The following NXPH2 variants were observed in gnomAD, a reference collection of about 807,000 sequenced individuals.
NXPH2 encodes the protein neurexophilin-2.
In NXPH2, 5 loss-of-function variants were observed where a neutral mutation model predicts 19.8. The observed-to-expected ratio is 0.25, with a 90% CI of 0.13 to 0.53. The LOEUF is 0.53. Ranked by LOEUF, NXPH2 falls within the 20% of genes least tolerant of loss-of-function variation. The probability of loss-of-function intolerance (pLI) is 0.96; values close to 1 mark genes in which losing one functional copy is unlikely to be tolerated. For missense variants in NXPH2, 289 were observed against 322.8 expected (o/e 0.90, Z 0.80); for synonymous variants, 154 against 127.4 (o/e 1.21, Z -1.41).
At chr2:138,751,773 T>G (rs1032881445) in intron 1 of NXPH2, among the ~76,000 whole-genome samples, 1 of 152,142 alleles carries the variant, frequency 6.6e-6, no homozygotes. Context: ...ATAATTCTGT[T>G]TAGATTTTTT....
At chr2:138,685,723 C>G (rs1680639651) in intron 1 of NXPH2, among the ~76,000 whole-genome samples, 1 of 152,106 alleles carries the variant, frequency 6.6e-6, no homozygotes, top group African/African-American at 2.4e-5. Context: ...CATAACACTA[C>G]AAAGTTGAAA....
chr2:138,686,014 A>C (rs551404534), intron 1 of NXPH2, among the ~76,000 whole-genome samples: 9 of 152,168 alleles, frequency 5.9e-5, no homozygotes, highest in Non-Finnish European at 1.0e-4. Flanking sequence ...ATAAGTACCT[A>C]ACAAAAATTG....
At position 138,731,655 on chromosome 2, in the gene NXPH2, TG is replaced by T. The variant is rs1681453123; in HGVS notation, c.51+48535del. On this transcript the variant is annotated intron_variant, in intron 1 of 1. Coordinates refer to ENST00000272641, the MANE Select transcript of NXPH2 (RefSeq NM_007226.3). ...CTCAAGATGATCAATTTTAACAAACTGGGATAGATCTTCTAAAGACTGGGGA... is the reference window on the plus strand; with the variant it reads ...CTCAAGATGATCAATTTTAACAAACTGGATAGATCTTCTAAAGACTGGGGA... Among the ~76,000 whole-genome samples, 4 of 152,082 alleles carry T rather than the reference TG, an allele frequency of 2.6e-5. No homozygotes were observed. The South Asian group carries it at 8.3e-4, about 32-fold the overall frequency.
intron 1 of NXPH2, among the ~76,000 whole-genome samples, chr2:138,673,108 A>G (rs1020521551): frequency 2.6e-5 from 4 of 152,154 alleles, no homozygotes; most frequent in African/African-American, 9.7e-5. Flanking sequence ...CTCTTTGGTT[A>G]ATTTCTTGGA....
At position 138,671,591 on chromosome 2, in the gene NXPH2, C is replaced by T. The variant is rs1161653024; in HGVS notation, c.126G>A (p.Thr42=). 5 of 1,612,542 alleles carry T rather than the reference C, an allele frequency of 3.1e-6. No homozygotes were observed. The highest frequency in any genetic ancestry group is 2.2e-5 in the East Asian group (1 of 44,862). Residue 42 remains threonine (T), a synonymous_variant, in exon 2 of 2, where the codon ACG becomes ACA. Coordinates refer to ENST00000272641, the MANE Select transcript of NXPH2 (RefSeq NM_007226.3). ...TTGAGTGCACCACGTTGCCGACCAACGTCCCTGGAGCATCTTTGTCTTCCC... is the reference window on the plus strand; with the variant it reads ...TTGAGTGCACCACGTTGCCGACCAATGTCCCTGGAGCATCTTTGTCTTCCC... ...LDWEDKDAPG[T]LVGNVVHSRI...
rs183399001 is a variant in NXPH2, at chr2:138,719,351, G to A, written c.52-47686C>T. ...TAAGTAAATGCACTTAAAAATATCC[G>A]AAAGGAGAAGCTACAGGTTGAGGGT... On this transcript the variant is annotated intron_variant, in intron 1 of 1. Transcript: ENST00000272641. 3.4e-4 allele frequency among the ~76,000 whole-genome samples: 51 copies of A among 152,152 alleles called. No homozygotes were observed. The East Asian group carries it at 7.9e-3, about 24-fold the overall frequency.
intron 1 of NXPH2, among the ~76,000 whole-genome samples, chr2:138,679,431 CGCTCGGTT>C (rs1241010805): frequency 2.0e-5 from 3 of 146,446 alleles, no homozygotes; most frequent in Admixed American, 6.9e-5. Flanking sequence ...GACGGAGTCT[CGCTCGGTT>C]GCTCAGGCTG....
At chr2:138,715,395 T>C (rs1237355850) in intron 1 of NXPH2, among the ~76,000 whole-genome samples, 2 of 152,242 alleles carry the variant, frequency 1.3e-5, no homozygotes, top group Non-Finnish European at 2.9e-5. Context: ...TTCCTCTAGA[T>C]TTAATTTGTC....
rs905024530 is a variant in NXPH2, at chr2:138,670,006, G to A, written c.*916C>T. On this transcript the variant is annotated 3_prime_UTR_variant, in exon 2 of 2. Transcript: ENST00000272641. ...TTTCCTCCCTCTACTTCCCACTTTTGTTTTCTATTCTAGTCTAGGAAACAA... is the reference window on the plus strand; with the variant it reads ...TTTCCTCCCTCTACTTCCCACTTTTATTTTCTATTCTAGTCTAGGAAACAA... Among the ~76,000 whole-genome samples, 1 of 152,100 alleles carries A rather than the reference G, an allele frequency of 6.6e-6. No homozygotes were observed. Among genetic ancestry groups the A allele is most frequent in the Non-Finnish European group, 1.5e-5 (1 of 68,012 alleles).
At chr2:138,704,006 T>C (rs978170889) in intron 1 of NXPH2, among the ~76,000 whole-genome samples, 1 of 152,222 alleles carries the variant, frequency 6.6e-6, no homozygotes, top group African/African-American at 2.4e-5. Context: ...AATTACATTG[T>C]AATGATTTGA....
intron 1 of NXPH2, among the ~76,000 whole-genome samples, chr2:138,768,751 G>T (rs1482045173): frequency 1.3e-5 from 2 of 152,182 alleles, no homozygotes; most frequent in East Asian, 3.8e-4. Flanking sequence ...CAGATGGAAA[G>T]GAAACTGTCA....
At chr2:138,695,941 G>C (rs2104978984) in intron 1 of NXPH2, among the ~76,000 whole-genome samples, 1 of 152,246 alleles carries the variant, frequency 6.6e-6, no homozygotes, top group Admixed American at 6.5e-5. Context: ...TTGAGGACTG[G>C]AGTTCAAGGC....
At position 138,764,080 on chromosome 2, in the gene NXPH2, G is replaced by A. The variant is rs963776176; in HGVS notation, c.51+16111C>T. Among the ~76,000 whole-genome samples the A allele has an allele frequency of 5.3e-5, 8 of 152,108 alleles. 1 individual carries two copies. ...ACAACTACAATACCATGAGATAAATGCTACAGAGGAGTTATGCACTTAGTG... is the reference window on the plus strand; with the variant it reads ...ACAACTACAATACCATGAGATAAATACTACAGAGGAGTTATGCACTTAGTG... On this transcript the variant is annotated intron_variant, in intron 1 of 1. Coordinates refer to ENST00000272641, the MANE Select transcript of NXPH2 (RefSeq NM_007226.3).
At chr2:138,671,814 T>A in intron 1 of NXPH2, 149 bp from the exon 2 acceptor site, 1 of 734,102 alleles carries the variant, frequency 1.4e-6, no homozygotes, top group Non-Finnish European at 2.1e-6. Flanking sequence ...CTCAACAGTG[T>A]AACAAGATAA....
rs568073263 is a variant in NXPH2 at position 138,743,239 on chromosome 2, C to T, written c.51+36952G>A. The stretch of plus-strand genomic sequence containing the variant: ...GTTATCTCTGGAAGTCACAGTCACC[C>T]GGGTGGGATCCACCTTAGTAAAAAA... On this transcript the variant is annotated intron_variant, in intron 1 of 1. Coordinates refer to ENST00000272641, the MANE Select transcript of NXPH2 (RefSeq NM_007226.3). Among the ~76,000 whole-genome samples, 110 of 148,238 alleles carry T rather than the reference C, an allele frequency of 7.4e-4. 1 individual carries two copies. The highest frequency in any genetic ancestry group is 8.7e-4 in the South Asian group (4 of 4,584).
At chr2:138,749,645 A>G (rs1413533375) in intron 1 of NXPH2, among the ~76,000 whole-genome samples, 1 of 152,208 alleles carries the variant, frequency 6.6e-6, no homozygotes, top group Non-Finnish European at 1.5e-5. Context: ...TAAAATAAAG[A>G]TATTCAAGGT....
At chr2:138,676,784 T>G (rs1573949857) in intron 1 of NXPH2, among the ~76,000 whole-genome samples, 1 of 150,928 alleles carries the variant, frequency 6.6e-6, no homozygotes, top group African/African-American at 2.5e-5. Context: ...TCCAGGAAAC[T>G]GATTAATGGT....
Position 138,780,217 on chromosome 2 carries a change from C to T in NXPH2, c.25G>A (p.Val9Met), listed in dbSNP as rs988440643. Residue 9 changes from valine (V) to methionine (M), a missense_variant, in exon 1 of 2, where the codon GTG becomes ATG. Physicochemically the swap from Val to Met is conservative, Grantham distance 21. Transcript: ENST00000272641. MRLRPLPL[V>M]VVPGLLQLLF... is the part of the protein sequence containing the mutation. ...AGCTGCAGCAAGCCAGGGACCACCA[C>T]GAGGGGCAGCGGCCGCAGGCGCATG... The T allele has an allele frequency of 2.7e-6, 4 of 1,469,726 alleles. No individual in the cohort carries two copies. Among genetic ancestry groups the T allele is most frequent in the Non-Finnish European group, 3.6e-6 (4 of 1,119,120 alleles). The allele number at this position is 1,469,726 out of a possible 1,614,324, so 91.0% of individuals were successfully genotyped here.
chr2:138,718,438 A>G (rs1407386933), intron 1 of NXPH2, among the ~76,000 whole-genome samples: 12 of 152,152 alleles, frequency 7.9e-5, no homozygotes, highest in Non-Finnish European at 1.8e-4. Context: ...AATGACTATG[A>G]ATTTAGAATT....
Sources: allele counts gnomAD v4.1 joint callset (sites outside exome capture counted in the v4.1 genomes callset), GRCh38; gene constraint gnomAD v4.1.1; transcripts MANE v1.5; gene names NCBI Gene and HGNC (gene_info 2026-07-23, HGNC 2026-07-21).